ZBTB20: variants seen among roughly 807,000 people sequenced by gnomAD.
The protein encoded by ZBTB20 is zinc finger and BTB domain-containing protein 20.
Under a neutral mutation model 56.9 loss-of-function variants are expected in ZBTB20, and 9 were observed. That is an observed-to-expected ratio of 0.16 (90% CI 0.10 to 0.28). ZBTB20 has a LOEUF of 0.28. ZBTB20 is among the 10% of genes least tolerant of loss of function. The pLI is 1.00. For synonymous variants in ZBTB20, 417 were observed against 420.7 expected, an observed-to-expected ratio of 0.99 and a Z score of 0.11; for missense variants, 655 against 1,003.0, an observed-to-expected ratio of 0.65 and a Z score of 4.69.
chr3:114,933,185 C>T (rs944497994), intron 3 of ZBTB20, among the ~76,000 whole-genome samples: 1 of 152,140 alleles, frequency 6.6e-6, no homozygotes, highest in African/African-American at 2.4e-5. Context: ...AGCCTGGGCA[C>T]CCCAAAGATT....
intron 2 of ZBTB20, among the ~76,000 whole-genome samples, chr3:115,045,690 A>G (rs1034732854): frequency 6.6e-6 from 1 of 152,198 alleles, no homozygotes; most frequent in Non-Finnish European, 1.5e-5. Context: ...TAAGAGAGAA[A>G]GAGAATATAA....
intron 4 of ZBTB20, among the ~76,000 whole-genome samples, chr3:114,865,551 G>C (rs576370741): frequency 6.6e-6 from 1 of 152,174 alleles, no homozygotes; most frequent in South Asian, 2.1e-4. Flanking sequence ...ACATGGATTT[G>C]AACTTCATTT....
intron 6 of ZBTB20, among the ~76,000 whole-genome samples, chr3:114,627,342 G>A (rs963478859): frequency 1.3e-5 from 2 of 152,136 alleles, no homozygotes; most frequent in Admixed American, 6.6e-5. Flanking sequence ...ATTACTCTGC[G>A]CTTCCAAATA....
At chr3:114,632,485 T>C (rs1292279383) in intron 6 of ZBTB20, among the ~76,000 whole-genome samples, 1 of 152,190 alleles carries the variant, frequency 6.6e-6, no homozygotes, top group African/African-American at 2.4e-5. Flanking sequence ...GCTTTTCTGC[T>C]ATGACCCACT....
At chr3:115,011,687 G>A (rs1474938045) in intron 2 of ZBTB20, among the ~76,000 whole-genome samples, 1 of 151,724 alleles carries the variant, frequency 6.6e-6, no homozygotes, top group East Asian at 1.9e-4. Context: ...AAAAAAGGAT[G>A]TTAATGAGCA....
At chr3:114,587,709 G>A (rs1050371604) in intron 6 of ZBTB20, among the ~76,000 whole-genome samples, 1 of 152,196 alleles carries the variant, frequency 6.6e-6, no homozygotes, top group Non-Finnish European at 1.5e-5. Context: ...CAAAGCCCAT[G>A]TACTCTTAAC....
At chr3:114,477,529 C>T (rs1026052746) in intron 7 of ZBTB20, among the ~76,000 whole-genome samples, 17 of 127,466 alleles carry the variant, frequency 1.3e-4, no homozygotes, top group African/African-American at 4.8e-4. Flanking sequence ...GAGTTTCGCT[C>T]TTGTTGCCCA....
At chr3:114,483,137 A>G (rs894684673) in intron 7 of ZBTB20, among the ~76,000 whole-genome samples, 3 of 152,180 alleles carry the variant, frequency 2.0e-5, no homozygotes, top group African/African-American at 7.2e-5. Flanking sequence ...TTCTAGTTTA[A>G]TAACATAAGT....
chr3:114,546,578 C>A (rs760709996), intron 6 of ZBTB20, among the ~76,000 whole-genome samples: 9 of 147,888 alleles, frequency 6.1e-5, no homozygotes, highest in Non-Finnish European at 1.0e-4. Flanking sequence ...TTTTTTTAAT[C>A]CAGACTGGAG....
intron 4 of ZBTB20, among the ~76,000 whole-genome samples, chr3:114,817,256 C>A (rs1029906016): frequency 6.6e-6 from 1 of 151,388 alleles, no homozygotes; most frequent in Non-Finnish European, 1.5e-5. Flanking sequence ...TGGTGGCTTA[C>A]GCCTGTAATC....
intron 6 of ZBTB20, among the ~76,000 whole-genome samples, chr3:114,582,904 G>C (rs1453598551): frequency 6.6e-6 from 1 of 152,164 alleles, no homozygotes; most frequent in Non-Finnish European, 1.5e-5. Context: ...ACTGACTATA[G>C]AATCTCAGGC....
At chr3:114,653,838 C>T (rs967019118) in intron 6 of ZBTB20, among the ~76,000 whole-genome samples, 32 of 151,834 alleles carry the variant, frequency 2.1e-4, no homozygotes, top group African/African-American at 7.7e-4. Flanking sequence ...GTTTACTATG[C>T]CAGTTTTGTT....
intron 4 of ZBTB20, among the ~76,000 whole-genome samples, chr3:114,821,510 C>T (rs1401708425): frequency 6.6e-6 from 1 of 152,078 alleles, no homozygotes; most frequent in African/African-American, 2.4e-5. Context: ...TAGCTTTGGC[C>T]TAGTCTTCCA....
intron 7 of ZBTB20, among the ~76,000 whole-genome samples, chr3:114,390,881 G>GTCT (rs2085803908): frequency 6.6e-6 from 1 of 152,158 alleles, no homozygotes; most frequent in Non-Finnish European, 1.5e-5. Context: ...TTAATTCATT[G>GTCT]TCTTTCCTTT....
intron 7 of ZBTB20, among the ~76,000 whole-genome samples, chr3:114,476,354 T>C (rs954926648): frequency 2.0e-5 from 3 of 152,224 alleles, no homozygotes; most frequent in African/African-American, 7.2e-5. Flanking sequence ...TCTTCCTACT[T>C]TTGTATATGT....
intron 4 of ZBTB20, among the ~76,000 whole-genome samples, chr3:114,863,243 C>T (rs538377498): frequency 2.0e-5 from 3 of 152,106 alleles, no homozygotes; most frequent in Non-Finnish European, 2.9e-5. Flanking sequence ...CCTAGAGAAT[C>T]TGACCAATAT....
chr3:114,957,499 T>A (rs2077288305), intron 3 of ZBTB20, among the ~76,000 whole-genome samples: 1 of 152,148 alleles, frequency 6.6e-6, no homozygotes, highest in East Asian at 1.9e-4. Context: ...ATTAGGAAAA[T>A]GTATGAAAAC....
At chr3:114,831,087 C>CTTTTTTTTT (rs57265260) in intron 4 of ZBTB20, among the ~76,000 whole-genome samples, 4 of 55,550 alleles carry the variant, frequency 7.2e-5, no homozygotes, top group African/African-American at 1.9e-4. Flanking sequence ...TTTCTTTCTT[C>CTTTTTTTTT]TTTTTTTTTT....
chr3:114,467,628 T>A (rs559881974), intron 7 of ZBTB20, among the ~76,000 whole-genome samples: 154 of 152,332 alleles, frequency 1.0e-3, no homozygotes, highest in South Asian at 4.3e-3. Flanking sequence ...AACTCAAGCA[T>A]GCATACAATC....
Sources: allele counts gnomAD v4.1 joint callset (sites outside exome capture counted in the v4.1 genomes callset), GRCh38; gene constraint gnomAD v4.1.1; transcripts MANE v1.5; gene names NCBI Gene and HGNC (gene_info 2026-07-23, HGNC 2026-07-21).